CLCN3: variants seen among roughly 807,000 people sequenced by gnomAD.
CLCN3 encodes H(+)/Cl(-) exchange transporter 3.
CLCN3 carries 16 observed loss-of-function variants against 83.4 expected under a neutral mutation model. The ratio of observed to expected loss-of-function variants is 0.19; its 90% CI spans 0.13 to 0.29. The LOEUF (loss-of-function observed/expected upper bound fraction) is 0.29. CLCN3 is among the 10% of genes least tolerant of loss of function. The pLI, the probability that CLCN3 is intolerant of heterozygous loss-of-function variation, is 1.00. For synonymous variants in CLCN3, 322 were observed against 346.2 expected (o/e 0.93, Z 0.78); for missense variants, 544 against 1,006.0 (o/e 0.54, Z 6.21).
chr4:169,658,412 CAAGTT>C, intron 2 of CLCN3, among the ~76,000 whole-genome samples: 1 of 152,044 alleles, frequency 6.6e-6, no homozygotes, highest in Admixed American at 6.5e-5. Context: ...TCAGGAAAAA[CAAGTT>C]AAGAGAGTGC....
intron 7 of CLCN3, among the ~76,000 whole-genome samples, chr4:169,693,113 T>G (rs980429535): frequency 2.0e-5 from 3 of 152,350 alleles, no homozygotes; most frequent in African/African-American, 7.2e-5. Flanking sequence ...CATTAAATAC[T>G]GGCAGAACCT....
chr4:169,641,666 A>G (rs934088390), intron 2 of CLCN3, among the ~76,000 whole-genome samples: 17 of 152,234 alleles, frequency 1.1e-4, no homozygotes, highest in Admixed American at 3.9e-4. Context: ...TTTCAAAAGA[A>G]GAAGCTTGGC....
At chr4:169,665,668 A>G (rs1311829542) in intron 2 of CLCN3, among the ~76,000 whole-genome samples, 3 of 151,926 alleles carry the variant, frequency 2.0e-5, no homozygotes, top group African/African-American at 4.8e-5. Flanking sequence ...TAGGTTGTGA[A>G]GGAATACATA....
At chr4:169,700,432 GT>G (rs1732734844) in intron 9 of CLCN3, among the ~76,000 whole-genome samples, 1 of 151,840 alleles carries the variant, frequency 6.6e-6, no homozygotes, top group South Asian at 2.1e-4. Flanking sequence ...TAATTTTTGT[GT>G]TTTTAGTAGA....
chr4:169,672,955 G>A (rs752258721), intron 2 of CLCN3, among the ~76,000 whole-genome samples: 8 of 152,114 alleles, frequency 5.3e-5, no homozygotes, highest in Non-Finnish European at 8.8e-5. Context: ...GAGCCACCGC[G>A]CCCGGCTGTA....
chr4:169,667,753 C>CT (rs894303595), intron 2 of CLCN3, among the ~76,000 whole-genome samples: 4,484 of 131,760 alleles, frequency 0.034, 134 homozygotes, highest in African/African-American at 0.081. Flanking sequence ...ACTTTTTTTT[C>CT]TTTTTTTTTT....
At chr4:169,689,331 C>T in intron 5 of CLCN3, 101 bp downstream of exon 5, 1 of 954,224 alleles carries the variant, frequency 1.0e-6, no homozygotes, top group Non-Finnish European at 1.5e-6. Flanking sequence ...TGATTACATA[C>T]ACATCAAATG....
chr4:169,687,518 T>G (rs1732208642), intron 3 of CLCN3, 140 bp from the exon 4 acceptor site: 4 of 516,484 alleles, frequency 7.7e-6, no homozygotes, highest in Non-Finnish European at 1.4e-5. Context: ...TGTAGTGATT[T>G]TGCTCCAGAC....
intron 2 of CLCN3, chr4:169,660,514 A>G (rs936518856): frequency 4.5e-6 from 5 of 1,122,816 alleles, no homozygotes; most frequent in South Asian, 6.0e-5. Flanking sequence ...GCGGTCCTCT[A>G]GCTTAAACTG....
At chr4:169,634,912 C>T (rs923219493) in intron 1 of CLCN3, among the ~76,000 whole-genome samples, 1 of 152,108 alleles carries the variant, frequency 6.6e-6, no homozygotes, top group Non-Finnish European at 1.5e-5. Context: ...TATTTATTGT[C>T]AGTAATAGTC....
intron 2 of CLCN3, among the ~76,000 whole-genome samples, chr4:169,640,197 T>A (rs1399476337): frequency 2.0e-5 from 3 of 152,246 alleles, no homozygotes; most frequent in Non-Finnish European, 4.4e-5. Flanking sequence ...TGTTAGACTC[T>A]GTACCCCCAA....
intron 1 of CLCN3, among the ~76,000 whole-genome samples, chr4:169,630,182 A>T (rs1773333702): frequency 6.6e-6 from 1 of 152,130 alleles, no homozygotes; most frequent in Non-Finnish European, 1.5e-5. Flanking sequence ...GGTTTATTCC[A>T]TGGGTATACA....
At chr4:169,701,772 T>C (rs1295990549) in intron 9 of CLCN3, among the ~76,000 whole-genome samples, 1 of 152,214 alleles carries the variant, frequency 6.6e-6, no homozygotes, top group Non-Finnish European at 1.5e-5. Flanking sequence ...CAAGTGGGCA[T>C]CTTGGAAGAC....
chr4:169,683,234 ATGC>A (rs1732017010), intron 3 of CLCN3, among the ~76,000 whole-genome samples: 1 of 152,248 alleles, frequency 6.6e-6, no homozygotes, highest in African/African-American at 2.4e-5. Flanking sequence ...ATAGTGGCTC[ATGC>A]CTGTAATCCC....
intron 12 of CLCN3, among the ~76,000 whole-genome samples, chr4:169,716,617 A>G (rs894928644): frequency 6.6e-6 from 1 of 152,118 alleles, no homozygotes; most frequent in Non-Finnish European, 1.5e-5. Context: ...TGGAGGGGGA[A>G]GTTGCTCCCA....
intron 1 of CLCN3, among the ~76,000 whole-genome samples, chr4:169,629,084 A>T (rs543690479): frequency 2.6e-4 from 40 of 152,254 alleles, no homozygotes; most frequent in Non-Finnish European, 4.7e-4. Flanking sequence ...TGGCAAAATT[A>T]TTGAAGTAGA....
chr4:169,706,973 G>A lies in CLCN3; in HGVS notation c.1856G>A (p.Trp619Ter). ...PLMAAVMTSK[W>*]VGDAFGREGI... ...ATGGCTGCAGTCATGACCAGTAAAT[G>A]GGTTGGAGATGCCTTTGGCAGGGAA... Residue 619 changes from tryptophan to a stop codon, truncating the protein, a stop_gained, in exon 11 of 13, where the codon TGG (tryptophan) becomes TAG (stop). Transcript: ENST00000513761. LOFTEE classifies it high-confidence loss of function. 6.2e-7 allele frequency: 1 copy of A among 1,614,168 alleles called. No homozygotes were observed. The highest frequency in any genetic ancestry group is 8.5e-7 in the Non-Finnish European group (1 of 1,180,018).
intron 9 of CLCN3, among the ~76,000 whole-genome samples, chr4:169,701,103 TAG>T (rs1385261734): frequency 6.6e-6 from 1 of 152,218 alleles, no homozygotes; most frequent in Non-Finnish European, 1.5e-5. Flanking sequence ...TTTTCAAAAT[TAG>T]AGTCATCCTC....
At chr4:169,717,305 G>A (rs961213482) in intron 12 of CLCN3, among the ~76,000 whole-genome samples, 1 of 152,082 alleles carries the variant, frequency 6.6e-6, no homozygotes, top group African/African-American at 2.4e-5. Context: ...TGAAATTATA[G>A]TAAAATCCAC....
Sources: allele counts gnomAD v4.1 joint callset (sites outside exome capture counted in the v4.1 genomes callset), GRCh38; gene constraint gnomAD v4.1.1; transcripts MANE v1.5; gene names NCBI Gene and HGNC (gene_info 2026-07-23, HGNC 2026-07-21).